ITIH3: variants seen among roughly 807,000 people sequenced by gnomAD.
The protein encoded by ITIH3 is inter-alpha-trypsin inhibitor heavy chain H3.
Under a neutral mutation model 96.5 loss-of-function variants are expected in ITIH3, and 81 were observed. The observed-to-expected ratio is 0.84, with a 90% CI of 0.70 to 1.01. The LOEUF is 1.01. ITIH3 is among the 50% of genes least tolerant of loss of function. The pLI is 0.00. For missense variants in ITIH3, 1,057 were observed against 1,139.3 expected (o/e 0.93, Z 1.04); for synonymous variants, 422 against 445.2 (o/e 0.95, Z 0.66).
At chr3:52,807,251 G>C (rs1700091642) in intron 19 of ITIH3, 146 bp downstream of exon 19, 2 of 772,850 alleles carry the variant, frequency 2.6e-6, no homozygotes, top group Admixed American at 2.8e-5. Flanking sequence ...TCCTGTCACA[G>C]GGGAGGGTGA....
intron 8 of ITIH3, 81 bp from the exon 9 acceptor site, chr3:52,799,672 C>T (rs540514850): frequency 2.1e-5 from 30 of 1,410,036 alleles, no homozygotes; most frequent in Non-Finnish European, 2.7e-5. Flanking sequence ...GTGCAGATGG[C>T]GTGGGCTGCA....
At chr3:52,796,714 T>C in intron 3 of ITIH3, 25 bp from the exon 4 acceptor site, 3 of 1,606,970 alleles carry the variant, frequency 1.9e-6, no homozygotes, top group Non-Finnish European at 2.6e-6. Context: ...GTGATCTCCC[T>C]ACCCCCAACT....
Position 52,806,981 on chromosome 3 carries a change from CTGGGCATCGCCAA to C in ITIH3, c.2140_2152del (p.Gly714LeufsTer9), listed in dbSNP as rs1462958500. The C allele has an allele frequency of 1.3e-6, 2 of 1,596,006 alleles. No homozygotes were observed. Among genetic ancestry groups the C allele is most frequent in the Middle Eastern group, 1.6e-4 (1 of 6,066 alleles). On this transcript the variant is annotated frameshift_variant, in exon 19 of 22. Coordinates refer to ENST00000449956, the MANE Select transcript of ITIH3 (RefSeq NM_002217.4). LOFTEE classifies it high-confidence loss of function. ...GACCAGAAAGACTTACTTTGGAAAACTGGGCATCGCCAATGCTCAGATGGACTTCCAGGTGGAG... is the reference window on the plus strand; with the variant it reads ...GACCAGAAAGACTTACTTTGGAAAACTGCTCAGATGGACTTCCAGGTGGAG...
At chr3:52,806,834 AC>A in intron 18 of ITIH3, 66 bp from the exon 19 acceptor site, 2 of 1,331,552 alleles carry the variant, frequency 1.5e-6, no homozygotes, top group Non-Finnish European at 2.1e-6. Context: ...AGGAAGGCAC[AC>A]CCCTAAAGGC....
In ITIH3 at chr3:52,797,809, C is replaced by G; in HGVS notation, c.550-8C>G. Reference sequence around the variant, plus strand: ...CTGAGTGACATTTCCTTACTTTGGCCATTTCAGATCGAGGTAGACATCTTC... The same window carrying G: ...CTGAGTGACATTTCCTTACTTTGGCGATTTCAGATCGAGGTAGACATCTTC... On this transcript the variant is annotated splice_polypyrimidine_tract_variant and splice_region_variant and intron_variant, in intron 5 of 21. Transcript: ENST00000449956. 1.9e-6 allele frequency: 3 copies of G among 1,576,452 alleles called. No individual in the cohort carries two copies. Among genetic ancestry groups the G allele is most frequent in the Non-Finnish European group, 2.6e-6 (3 of 1,155,068 alleles).
In ITIH3 at chr3:52,796,848, G is replaced by T; in HGVS notation, c.386+5G>T. The T allele has an allele frequency of 1.3e-6, 2 of 1,589,478 alleles. No homozygotes were observed. Among genetic ancestry groups the T allele is most frequent in the Non-Finnish European group, 1.7e-6 (2 of 1,165,952 alleles). The stretch of plus-strand genomic sequence containing the variant: ...CAAGACGGCCGGCTTGGTCAAGTAA[G>T]TATGGACTCCCAGGCCTTGGGGAGA... On this transcript the variant is annotated splice_donor_5th_base_variant and intron_variant, in intron 4 of 21. Coordinates refer to ENST00000449956, the MANE Select transcript of ITIH3 (RefSeq NM_002217.4).
chr3:52,799,657 C>T (rs1392529035), intron 8 of ITIH3, 96 bp from the exon 9 acceptor site: 29 of 1,329,438 alleles, frequency 2.2e-5, no homozygotes, highest in African/African-American at 2.9e-5. Flanking sequence ...AGGCAGGGCT[C>T]GCTGGTGCAG....
At chr3:52,799,230 G>C in intron 7 of ITIH3, 139 bp downstream of exon 7, 1 of 1,256,094 alleles carries the variant, frequency 8.0e-7, no homozygotes, top group Non-Finnish European at 1.1e-6. Flanking sequence ...TGATGGCCTA[G>C]AGCCTGGTGC....
intron 6 of ITIH3, among the ~76,000 whole-genome samples, 157 bp downstream of exon 6, chr3:52,798,087 TGG>T (rs368997998): frequency 3.3e-4 from 51 of 152,246 alleles, no homozygotes; most frequent in Middle Eastern, 3.4e-3. Flanking sequence ...CCTTGCCCAC[TGG>T]GGTTGGGAGT....
At chr3:52,804,635 G>C in intron 14 of ITIH3, 91 bp from the exon 15 acceptor site, 1 of 1,427,564 alleles carries the variant, frequency 7.0e-7, no homozygotes, top group Non-Finnish European at 9.7e-7. Context: ...GCCTAGGGCT[G>C]GTCGGCCAAG....
chr3:52,799,709 C>T, intron 8 of ITIH3, 44 bp from the exon 9 acceptor site: 1 of 1,559,816 alleles, frequency 6.4e-7, no homozygotes, highest in South Asian at 1.2e-5. Context: ...GAAGGGACCT[C>T]ACTCTCTGCT....
rs770403496 is a variant in ITIH3, at chr3:52,796,549, T to A, written c.183T>A (p.Asn61Lys). ...NSKVTSRFAH[N>K]VVTMRAVNRA... ...AGGTGACCTCCCGTTTTGCTCACAATGTTGTCACCATGAGAGCCGTCAACC... is the reference window on the plus strand; with the variant it reads ...AGGTGACCTCCCGTTTTGCTCACAAAGTTGTCACCATGAGAGCCGTCAACC... The change falls in exon 3 of 22, where the codon AAT (asparagine) becomes AAA (lysine). Residue 61 changes from asparagine (N) to lysine (K), a missense_variant. Transcript: ENST00000449956. The A allele has an allele frequency of 6.2e-7, 1 of 1,613,588 alleles. No individual in the cohort carries two copies. The highest frequency in any genetic ancestry group is 8.5e-7 in the Non-Finnish European group (1 of 1,179,802).
Position 52,797,209 on chromosome 3 carries a change from A to G in ITIH3, c.491A>G (p.Lys164Arg), listed in dbSNP as rs1312408102. ...TACGAGGAGCTGCTGAAGAGGCACA[A>G]GGGCAAGTACGAGATGTACCTCAAG... ...LTYEELLKRH[K>R]GKYEMYLKVQ... The change falls in exon 5 of 22, where the codon AAG (lysine) becomes AGG (arginine). Residue 164 changes from lysine to arginine, a missense_variant. Transcript: ENST00000449956. 1.2e-6 allele frequency: 2 copies of G among 1,608,860 alleles called. No individual in the cohort carries two copies. The highest frequency in any genetic ancestry group is 1.7e-6 in the Non-Finnish European group (2 of 1,177,848).
At chr3:52,799,951 C>T (rs1244195839) in intron 9 of ITIH3, 30 bp downstream of exon 9, 1 of 1,598,772 alleles carries the variant, frequency 6.3e-7, no homozygotes, top group Non-Finnish European at 8.5e-7. Context: ...CCACACACCT[C>T]CTAGCGGTGC....
intron 1 of ITIH3, 27 bp from the exon 2 acceptor site, chr3:52,795,576 T>G: frequency 1.2e-6 from 2 of 1,606,044 alleles, no homozygotes; most frequent in Non-Finnish European, 1.7e-6. Flanking sequence ...CTGATTCCTG[T>G]GTTTGTGTTT....
Position 52,797,921 on chromosome 3 carries a change from A to G in ITIH3, c.654A>G (p.Ser218=). Residue 218 remains serine, a synonymous_variant, in exon 6 of 22, where the codon TCA becomes TCG. Coordinates refer to ENST00000449956, the MANE Select transcript of ITIH3 (RefSeq NM_002217.4). The part of the protein sequence containing the change: ...LLGSALTKSF[S]GKKGHVSFKP... ...GAAGCGCCCTCACCAAGTCCTTCTC[A>G]GGGAAAAAGGTGATGTAGATGCCTC... 3 of 1,591,164 alleles carry G rather than the reference A, an allele frequency of 1.9e-6. No individual in the cohort carries two copies. Among genetic ancestry groups the G allele is most frequent in the Non-Finnish European group, 2.6e-6 (3 of 1,167,578 alleles).
In ITIH3 at chr3:52,806,114, C is replaced by T. The variant is rs145473542; in HGVS notation, c.1918C>T (p.Pro640Ser). Residue 640 changes from proline (P) to serine (S), a missense_variant, in exon 17 of 22, where the codon CCT becomes TCT. Physicochemically the swap from Pro to Ser is moderately conservative, Grantham distance 74 (BLOSUM62 -1). Coordinates refer to ENST00000449956, the MANE Select transcript of ITIH3 (RefSeq NM_002217.4). The stretch of plus-strand genomic sequence containing the variant: ...CTTTGTATCTGCAGCCAGCTACCAG[C>T]CTCCTCAAAACCCCTACTACTATGG... ...PAMSYLTSYQ[P>S]PQNPYYYVDG... The T allele has an allele frequency of 1.8e-4, 289 of 1,602,578 alleles. 2 individuals carry two copies. The East Asian group carries it at 6.4e-3, about 35-fold the overall frequency.
chr3:52,804,756 G>A (rs781594271), intron 15 of ITIH3, 22 bp downstream of exon 15: 47 of 1,586,206 alleles, frequency 3.0e-5, no homozygotes, highest in African/African-American at 2.7e-4. Flanking sequence ...GCCAGCCACC[G>A]GGTTGGGCAT....
intron 1 of ITIH3, 72 bp from the exon 2 acceptor site, chr3:52,795,531 C>G (rs1699546473): frequency 6.5e-7 from 1 of 1,532,996 alleles, no homozygotes; most frequent in Non-Finnish European, 8.9e-7. Context: ...AGCCCAGAGC[C>G]TCCCAGGCCA....
Sources: allele counts gnomAD v4.1 joint callset (sites outside exome capture counted in the v4.1 genomes callset), GRCh38; gene constraint gnomAD v4.1.1; transcripts MANE v1.5; gene names NCBI Gene and HGNC (gene_info 2026-07-23, HGNC 2026-07-21).